Variants in EPHA5 observed in about 807,000 individuals in gnomAD.
EPHA5 encodes the protein ephrin type-A receptor 5.
In EPHA5, 60 loss-of-function variants were observed where a neutral mutation model predicts 105.0. That is an observed-to-expected ratio of 0.57 (90% confidence interval 0.46 to 0.71). The LOEUF is 0.71. Among genes scored for constraint, EPHA5 ranks in the 30% least tolerant of loss-of-function variants. The pLI is 0.00. For missense variants in EPHA5, 1,218 were observed against 1,274.7 expected (o/e 0.96, Z 0.68); for synonymous variants, 513 against 449.1 (o/e 1.14, Z -1.80).
intron 3 of EPHA5, among the ~76,000 whole-genome samples, chr4:65,508,264 A>C (rs1733263978): frequency 6.6e-6 from 1 of 152,154 alleles, no homozygotes; most frequent in Admixed American, 6.6e-5. Flanking sequence ...AAGTAGTGAG[A>C]TCTGCTTTGA....
intron 3 of EPHA5, among the ~76,000 whole-genome samples, chr4:65,567,371 T>A (rs1739658332): frequency 6.6e-6 from 1 of 151,580 alleles, no homozygotes; most frequent in Non-Finnish European, 1.5e-5. Flanking sequence ...AAACCGACAA[T>A]CCTCATCATT....
chr4:65,651,368 T>G (rs1238003536), intron 1 of EPHA5, among the ~76,000 whole-genome samples: 1 of 152,206 alleles, frequency 6.6e-6, no homozygotes, highest in Non-Finnish European at 1.5e-5. Context: ...TTTGCTGTTA[T>G]TTGAAGAGGA....
chr4:65,545,229 C>T (rs1737260609), intron 3 of EPHA5, among the ~76,000 whole-genome samples: 1 of 151,806 alleles, frequency 6.6e-6, no homozygotes, highest in Non-Finnish European at 1.5e-5. Flanking sequence ...CATATTTTTG[C>T]TATCTTCCCT....
chr4:65,560,218 T>C (rs1738868403), intron 3 of EPHA5, among the ~76,000 whole-genome samples: 1 of 152,134 alleles, frequency 6.6e-6, no homozygotes, highest in Non-Finnish European at 1.5e-5. Flanking sequence ...ACAATAGATA[T>C]ATTCACATAA....
At chr4:65,337,353 C>A (rs1285809859) in intron 14 of EPHA5, among the ~76,000 whole-genome samples, 1 of 152,090 alleles carries the variant, frequency 6.6e-6, no homozygotes, top group Non-Finnish European at 1.5e-5. Flanking sequence ...ATCCCTTAAC[C>A]AGCATCTCCC....
intron 3 of EPHA5, among the ~76,000 whole-genome samples, chr4:65,510,297 G>A (rs765685999): frequency 6.6e-5 from 10 of 151,310 alleles, no homozygotes; most frequent in Non-Finnish European, 1.0e-4. Flanking sequence ...AGCCCACCTC[G>A]GCCTCCCAAA....
intron 8 of EPHA5, among the ~76,000 whole-genome samples, chr4:65,373,499 A>G (rs767160936): frequency 2.0e-5 from 3 of 151,928 alleles, no homozygotes; most frequent in Non-Finnish European, 2.9e-5. Flanking sequence ...ACATTTCAAG[A>G]AACAGAATTA....
At chr4:65,331,300 A>G (rs1720592971) in intron 16 of EPHA5, 2 of 1,032,910 alleles carry the variant, frequency 1.9e-6, no homozygotes, top group African/African-American at 3.4e-5. Context: ...TAAAATACAA[A>G]CAACTTACAA....
chr4:65,553,069 C>T (rs1212536311), intron 3 of EPHA5, among the ~76,000 whole-genome samples: 2 of 151,940 alleles, frequency 1.3e-5, no homozygotes, highest in Non-Finnish European at 1.5e-5. Flanking sequence ...TGTCAAGTGC[C>T]TCAAAATTAA....
intron 13 of EPHA5, among the ~76,000 whole-genome samples, chr4:65,349,071 C>A (rs1213627869): frequency 6.6e-6 from 1 of 151,802 alleles, no homozygotes; most frequent in Non-Finnish European, 1.5e-5. Context: ...CCACCTTAGC[C>A]TCCCAAAGTG....
intron 3 of EPHA5, among the ~76,000 whole-genome samples, chr4:65,539,296 C>A (rs7675523): frequency 0.24 from 36,779 of 151,296 alleles, 4,598 homozygotes; most frequent in African/African-American, 0.28. Flanking sequence ...GATTAAAATT[C>A]TTAAAAGATG....
intron 8 of EPHA5, among the ~76,000 whole-genome samples, chr4:65,401,844 A>C (rs1721857559): frequency 6.6e-6 from 1 of 152,012 alleles, no homozygotes; most frequent in Non-Finnish European, 1.5e-5. Context: ...ATTATACTAA[A>C]ATTTCATTGT....
chr4:65,380,878 G>A (rs1719493359), intron 8 of EPHA5, among the ~76,000 whole-genome samples: 1 of 151,650 alleles, frequency 6.6e-6, no homozygotes, highest in African/African-American at 2.4e-5. Flanking sequence ...CTCATGCTTT[G>A]GCCCTATTGT....
At chr4:65,546,389 A>T (rs910337931) in intron 3 of EPHA5, among the ~76,000 whole-genome samples, 1 of 152,044 alleles carries the variant, frequency 6.6e-6, no homozygotes, top group Non-Finnish European at 1.5e-5. Flanking sequence ...AATATTTGAG[A>T]GTTGTTAAAA....
chr4:65,382,691 A>G (rs1156940043), intron 8 of EPHA5, among the ~76,000 whole-genome samples: 1 of 151,832 alleles, frequency 6.6e-6, no homozygotes, highest in Non-Finnish European at 1.5e-5. Flanking sequence ...AAGCTTAAAA[A>G]CAAAAGTCCA....
chr4:65,445,155 G>T (rs187650813), intron 5 of EPHA5, among the ~76,000 whole-genome samples: 1 of 152,004 alleles, frequency 6.6e-6, no homozygotes, highest in Admixed American at 6.6e-5. Flanking sequence ...TAAACTGAGG[G>T]CCATGGTAAC....
intron 8 of EPHA5, among the ~76,000 whole-genome samples, chr4:65,376,056 C>T (rs545531131): frequency 4.6e-4 from 70 of 152,084 alleles, no homozygotes; most frequent in Non-Finnish European, 6.5e-4. Flanking sequence ...GGCATCCATT[C>T]CACAACTTCT....
At chr4:65,373,555 T>C (rs1241259647) in intron 8 of EPHA5, among the ~76,000 whole-genome samples, 1 of 151,956 alleles carries the variant, frequency 6.6e-6, no homozygotes, top group East Asian at 1.9e-4. Flanking sequence ...TAATAGTTAA[T>C]GTTTCAAAGA....
chr4:65,468,676 A>ATT (rs1728993833), intron 5 of EPHA5, among the ~76,000 whole-genome samples: 1 of 10,504 alleles, frequency 9.5e-5, no homozygotes, highest in African/African-American at 1.6e-4. Context: ...TATAACATAT[A>ATT]TACATATATA....
Sources: allele counts gnomAD v4.1 joint callset (sites outside exome capture counted in the v4.1 genomes callset), GRCh38; gene constraint gnomAD v4.1.1; transcripts MANE v1.5; gene names NCBI Gene and HGNC (gene_info 2026-07-23, HGNC 2026-07-21).